The following GFM2 variants were observed in gnomAD, a reference collection of about 807,000 sequenced individuals.
GFM2 encodes GTP dependent ribosome recycling factor mitochondrial 2.
GFM2 carries 72 observed loss-of-function variants against 95.4 expected under a neutral mutation model. The ratio of observed to expected loss-of-function variants is 0.76; its 90% confidence interval spans 0.62 to 0.92. GFM2 has a LOEUF of 0.92. Among genes scored for constraint, GFM2 ranks in the 40% least tolerant of loss-of-function variants. The pLI is 0.00. For missense variants in GFM2, 825 were observed against 924.1 expected, an observed-to-expected ratio of 0.89 and a Z score of 1.39; for synonymous variants, 276 against 317.5, an observed-to-expected ratio of 0.87 and a Z score of 1.39.
chr5:74,726,737 T>C (rs1249385757), intron 17 of GFM2, among the ~76,000 whole-genome samples: 2 of 152,204 alleles, frequency 1.3e-5, no homozygotes, highest in African/African-American at 4.8e-5. Context: ...AAAACAAAAC[T>C]ATGCCATATT....
intron 5 of GFM2, among the ~76,000 whole-genome samples, chr5:74,752,434 C>A (rs1187516059): frequency 3.9e-5 from 6 of 152,074 alleles, no homozygotes; most frequent in African/African-American, 1.4e-4. Context: ...CACACATAGT[C>A]TAAACACCAG....
chr5:74,763,779 A>G lies in GFM2; in HGVS notation c.-24-13T>C, dbSNP rs1744404067. The G allele has an allele frequency of 1.9e-6, 3 of 1,550,472 alleles. No homozygotes were observed. The highest frequency in any genetic ancestry group is 1.1e-5 in the South Asian group (1 of 89,594). On this transcript the variant is annotated splice_polypyrimidine_tract_variant and intron_variant, in intron 1 of 20. Coordinates refer to ENST00000296805, the MANE Select transcript of GFM2 (RefSeq NM_032380.5). ...AAACTGTTACTGTCTGAAAAAATAA[A>G]TATACAAAATCAAAAAACTAAACTT...
At position 74,722,541 on chromosome 5, in the gene GFM2, C is replaced by T. The variant is rs2112197857; in HGVS notation, c.2049G>A (p.Lys683=). The T allele has an allele frequency of 6.2e-7, 1 of 1,612,482 alleles. No homozygotes were observed. The highest frequency in any genetic ancestry group is 8.5e-7 in the Non-Finnish European group (1 of 1,179,526). The change falls in exon 20 of 21, where the codon AAG becomes AAA. Residue 683 remains lysine, a synonymous_variant. Coordinates refer to ENST00000296805, the MANE Select transcript of GFM2 (RefSeq NM_032380.5). ...CVQKALKKAD[K]QVLEPLMNLE... is the part of the protein sequence containing the mutation. ...GATTCATCAGAGGCTCCAAAACTTG[C>T]TTATCAGCTTTCTTCAGAGCCTAAA...
At chr5:74,760,436 A>G (rs950922993) in intron 3 of GFM2, among the ~76,000 whole-genome samples, 1 of 152,156 alleles carries the variant, frequency 6.6e-6, no homozygotes, top group Non-Finnish European at 1.5e-5. Flanking sequence ...GGACATTCAA[A>G]AGTAAGTCAA....
intron 15 of GFM2, 127 bp downstream of exon 15, chr5:74,736,669 A>G: frequency 1.3e-6 from 2 of 1,489,702 alleles, no homozygotes; most frequent in African/African-American, 1.4e-5. Flanking sequence ...AACCACAAGA[A>G]ATGTTTACCA....
chr5:74,728,036 C>T (rs1750226858), intron 17 of GFM2, among the ~76,000 whole-genome samples: 1 of 152,158 alleles, frequency 6.6e-6, no homozygotes, highest in Admixed American at 6.5e-5. Context: ...CTCTGGTAGC[C>T]ATCATTCTAC....
Position 74,725,766 on chromosome 5 carries a change from G to GA in GFM2, c.1913-12dup, listed in dbSNP as rs1269950293. 9 of 1,584,530 alleles carry GA rather than the reference G, an allele frequency of 5.7e-6. No homozygotes were observed. The highest frequency in any genetic ancestry group is 3.3e-4 in the Middle Eastern group (2 of 6,024). On this transcript the variant is annotated splice_polypyrimidine_tract_variant and intron_variant, in intron 18 of 20. Transcript: ENST00000296805. The stretch of plus-strand genomic sequence containing the variant: ...ATCCAAGCAATGGTCCTAGACAAGG[G>GA]AAAAAAATTGTATCATACTCTGCTA...
rs1354163069 is a variant in GFM2, at chr5:74,738,399, C to G, written c.1239G>C (p.Leu413=). 2 of 1,613,412 alleles carry G rather than the reference C, an allele frequency of 1.2e-6. No individual in the cohort carries two copies. The highest frequency in any genetic ancestry group is 2.2e-5 in the East Asian group (1 of 44,862). The stretch of plus-strand genomic sequence containing the variant: ...CATGTTGGTCAGCAAACGGCAAAAG[C>G]AGACGACTTATTCTCTCCCTGTAAA... ...NGNCTERISR[L]LLPFADQHVE... Residue 413 remains leucine, a synonymous_variant, in exon 14 of 21, where the codon CTG becomes CTC. Coordinates refer to ENST00000296805, the MANE Select transcript of GFM2 (RefSeq NM_032380.5).
rs765124597 is a variant in GFM2 at position 74,738,352 on chromosome 5, GCAGT to G, written c.1282_1285del (p.Thr428LeufsTer6). The G allele has an allele frequency of 6.2e-7, 1 of 1,613,472 alleles. No homozygotes were observed. Among genetic ancestry groups the G allele is most frequent in the South Asian group, 1.1e-5 (1 of 91,054 alleles). On this transcript the variant is annotated frameshift_variant, in exon 14 of 21. Coordinates refer to ENST00000296805, the MANE Select transcript of GFM2 (RefSeq NM_032380.5). LOFTEE classifies it high-confidence loss of function. The stretch of plus-strand genomic sequence containing the variant: ...CCCAACAGTCAAAGCAATGTTACCA[GCAGT>G]CAATGAAGGGATTTCTACATGTTGG...
chr5:74,724,316 AC>A (rs1459244464), intron 19 of GFM2, among the ~76,000 whole-genome samples: 1 of 152,026 alleles, frequency 6.6e-6, no homozygotes, highest in African/African-American at 2.4e-5. Flanking sequence ...CAATATTAAA[AC>A]CAATTTCCAG....
At chr5:74,722,147 G>A (rs1424290725) in intron 20 of GFM2, among the ~76,000 whole-genome samples, 1 of 152,058 alleles carries the variant, frequency 6.6e-6, no homozygotes, top group Admixed American at 6.6e-5. Context: ...CATATAGGCT[G>A]GTACCACATT....
At chr5:74,739,918 T>C in intron 12 of GFM2, 71 bp downstream of exon 12, 1 of 1,140,790 alleles carries the variant, frequency 8.8e-7, no homozygotes, top group Non-Finnish European at 1.2e-6. Context: ...TTTAACTACT[T>C]TTCATAAAAG....
intron 19 of GFM2, among the ~76,000 whole-genome samples, chr5:74,724,022 C>G (rs965289236): frequency 5.9e-5 from 9 of 152,070 alleles, no homozygotes; most frequent in African/African-American, 1.4e-4. Context: ...GAAGCACTTA[C>G]AAGCAGAGAG....
rs754472903 is a variant in GFM2 at position 74,751,373 on chromosome 5, G to T, written c.425C>A (p.Thr142Lys). 2.5e-6 allele frequency: 4 copies of T among 1,612,394 alleles called. No homozygotes were observed. Among genetic ancestry groups the T allele is most frequent in the Middle Eastern group, 1.7e-4 (1 of 6,058 alleles). ...WKGYRVNLIDTPGHVDFTLEV... is the reference protein window; with the variant it reads ...WKGYRVNLIDKPGHVDFTLEV... ...TTACTGGAATCGTACCATACCTGGT[G>T]TATCAATTAGATTGACTCTATAACC... The change falls in exon 6 of 21, where the codon ACA (threonine) becomes AAA (lysine). Residue 142 changes from threonine to lysine, a missense_variant. Thr to Lys is a moderately conservative substitution (Grantham distance 78, BLOSUM62 -1). Coordinates refer to ENST00000296805, the MANE Select transcript of GFM2 (RefSeq NM_032380.5).
chr5:74,754,305 GAA>G (rs3031208), intron 5 of GFM2, among the ~76,000 whole-genome samples: 10,519 of 109,772 alleles, frequency 0.096, 533 homozygotes, highest in East Asian at 0.24. Flanking sequence ...ATAATACAAT[GAA>G]AAAAAAAAAA....
At chr5:74,748,917 TA>T (rs199815347) in intron 7 of GFM2, among the ~76,000 whole-genome samples, 2,042 of 115,014 alleles carry the variant, frequency 0.018, 47 homozygotes, top group African/African-American at 0.072. Context: ...AATAAAAAAA[TA>T]AAAAAAAATA....
intron 1 of GFM2, among the ~76,000 whole-genome samples, chr5:74,766,076 C>T (rs1744578476): frequency 6.6e-6 from 1 of 152,176 alleles, no homozygotes; most frequent in Non-Finnish European, 1.5e-5. Context: ...GAGGCCGAGG[C>T]GGGTGGATCG....
chr5:74,749,650 C>G (rs1743591014), intron 7 of GFM2, among the ~76,000 whole-genome samples: 1 of 152,116 alleles, frequency 6.6e-6, no homozygotes, highest in Non-Finnish European at 1.5e-5. Context: ...TTCCCAAGAA[C>G]AATCATATTC....
In GFM2 at chr5:74,759,005, T is replaced by C. The variant is rs575083879; in HGVS notation, c.207-59A>G. 4.1e-6 allele frequency: 4 copies of C among 978,344 alleles called. No homozygotes were observed. The African/African-American group carries it at 4.9e-5, about 12-fold the overall frequency. 60.6% of individuals were successfully genotyped at this position (978,344 alleles called of 1,614,324 possible). On this transcript the variant is annotated intron_variant, in intron 4 of 20. Coordinates refer to ENST00000296805, the MANE Select transcript of GFM2 (RefSeq NM_032380.5). ...TAAAATTGTAAAACCAAAGTATATA[T>C]GCTATCCAAATTTCAAAGCTGGTAT...
Sources: allele counts gnomAD v4.1 joint callset (sites outside exome capture counted in the v4.1 genomes callset), GRCh38; gene constraint gnomAD v4.1.1; transcripts MANE v1.5; gene names NCBI Gene and HGNC (gene_info 2026-07-23, HGNC 2026-07-21).